Variants in ST3GAL3 observed in about 807,000 individuals in gnomAD.
ST3GAL3 encodes CMP-N-acetylneuraminate-beta-1,4-galactoside alpha-2,3-sialyltransferase.
A neutral mutation model predicts 50.1 loss-of-function variants in ST3GAL3; 21 were observed. The ratio of observed to expected loss-of-function variants is 0.42; its 90% CI spans 0.30 to 0.60. The LOEUF is 0.60. Ranked by LOEUF, ST3GAL3 falls within the 20% of genes least tolerant of loss-of-function variation. ST3GAL3 has a pLI of 0.19. For missense variants in ST3GAL3, 353 were observed against 489.4 expected (o/e 0.72, Z 2.63); for synonymous variants, 183 against 190.0 (o/e 0.96, Z 0.30).
intron 5 of ST3GAL3, among the ~76,000 whole-genome samples, chr1:43,855,445 A>G (rs2068156398): frequency 6.6e-6 from 1 of 152,112 alleles, no homozygotes; most frequent in Non-Finnish European, 1.5e-5. Context: ...CCCCATTTAT[A>G]CTAAAAATAC....
chr1:43,850,810 C>A, intron 5 of ST3GAL3: 1 of 1,024,614 alleles, frequency 9.8e-7, no homozygotes, highest in Non-Finnish European at 1.5e-6. Flanking sequence ...TTCAGGGCCA[C>A]AGCAACCCCA....
At chr1:43,927,570 G>A (rs2084224460) in intron 11 of ST3GAL3, among the ~76,000 whole-genome samples, 1 of 152,154 alleles carries the variant, frequency 6.6e-6, no homozygotes, top group African/African-American at 2.4e-5. Context: ...AGAGGCAAAC[G>A]AGTTTCCACA....
intron 1 of ST3GAL3, among the ~76,000 whole-genome samples, chr1:43,726,615 G>T (rs1027767818): frequency 2.6e-5 from 4 of 151,726 alleles, no homozygotes; most frequent in Admixed American, 2.6e-4. Context: ...CTTTTCTTGA[G>T]ATAGAGTCTT....
At chr1:43,766,604 C>T (rs548465545) in intron 2 of ST3GAL3, among the ~76,000 whole-genome samples, 5 of 151,282 alleles carry the variant, frequency 3.3e-5, no homozygotes, top group African/African-American at 4.9e-5. Context: ...TGGTGGGGGG[C>T]GGGGAGTAGT....
chr1:43,736,700 A>G (rs1678623959), intron 2 of ST3GAL3: 1 of 428,600 alleles, frequency 2.3e-6, no homozygotes, highest in East Asian at 5.1e-5. Flanking sequence ...TTGCTGTAGC[A>G]TATTGCCACT....
rs76527208 is a variant in ST3GAL3, at chr1:43,929,844, C to A, written c.1039-288C>A. On this transcript the variant is annotated intron_variant, in intron 11 of 11. Transcript: ENST00000347631. ...TGAAGTCTGTGGGAACAAGGTCCTT[C>A]CGCCAGCACTGAGGAGGGAGGTTGG... Among the ~76,000 whole-genome samples the A allele has an allele frequency of 0.038, 5,772 of 152,256 alleles. 139 individuals carry two copies. Among genetic ancestry groups the A allele is most frequent in the East Asian group, 0.13 (670 of 5,178 alleles).
At chr1:43,808,670 G>C (rs1416483304) in intron 3 of ST3GAL3, among the ~76,000 whole-genome samples, 2 of 152,142 alleles carry the variant, frequency 1.3e-5, no homozygotes, top group African/African-American at 2.4e-5. Flanking sequence ...CATTTGAGGA[G>C]ACCAGGGCAA....
At chr1:43,729,630 G>A (rs893740264) in intron 1 of ST3GAL3, among the ~76,000 whole-genome samples, 1 of 152,084 alleles carries the variant, frequency 6.6e-6, no homozygotes, top group Non-Finnish European at 1.5e-5. Flanking sequence ...TCTCCCTAAA[G>A]CCTACTGGTT....
At chr1:43,759,175 GT>G (rs1201732028) in intron 2 of ST3GAL3, among the ~76,000 whole-genome samples, 9 of 151,480 alleles carry the variant, frequency 5.9e-5, no homozygotes, top group Non-Finnish European at 4.4e-5. Flanking sequence ...GCTGGGCGTG[GT>G]GGCTCACGCC....
chr1:43,918,935 T>C (rs529480355), intron 9 of ST3GAL3, among the ~76,000 whole-genome samples: 1 of 152,164 alleles, frequency 6.6e-6, no homozygotes, highest in South Asian at 2.1e-4. Flanking sequence ...ACTTGACTTT[T>C]TTGTTACGAT....
At chr1:43,923,894 C>T (rs2154297168) in intron 11 of ST3GAL3, among the ~76,000 whole-genome samples, 1 of 152,228 alleles carries the variant, frequency 6.6e-6, no homozygotes. Flanking sequence ...GGATTATAGG[C>T]ATGAGTCACT....
intron 1 of ST3GAL3, among the ~76,000 whole-genome samples, chr1:43,729,031 A>G (rs959874245): frequency 2.6e-5 from 4 of 151,766 alleles, no homozygotes; most frequent in African/African-American, 9.7e-5. Flanking sequence ...CTGGGACTAC[A>G]GGCACATGCC....
intron 3 of ST3GAL3, among the ~76,000 whole-genome samples, chr1:43,802,864 C>T (rs984411671): frequency 6.6e-6 from 1 of 152,148 alleles, no homozygotes; most frequent in Non-Finnish European, 1.5e-5. Context: ...CTTCTCAATA[C>T]TTAAATTTTA....
chr1:43,756,100 C>CAAAAAAAAAAAAAAAAA (rs139101819), intron 2 of ST3GAL3, among the ~76,000 whole-genome samples: 1 of 72,134 alleles, frequency 1.4e-5, no homozygotes, highest in Admixed American at 1.8e-4. Context: ...GAACCAGTCT[C>CAAAAAAAAAAAAAAAAA]AAAAAAAAAA....
At position 43,736,375 on chromosome 1, in the gene ST3GAL3, A is replaced by G. The variant is rs373320485; in HGVS notation, c.113A>G (p.Asp38Gly). 1.2e-6 allele frequency: 2 copies of G among 1,613,834 alleles called. No individual in the cohort carries two copies. Among genetic ancestry groups the G allele is most frequent in the African/African-American group, 2.7e-5 (2 of 74,836 alleles). Residue 38 changes from aspartate (D) to glycine (G), a missense_variant, in exon 2 of 12, where the codon GAC becomes GGC. Coordinates refer to ENST00000347631, the MANE Select transcript of ST3GAL3 (RefSeq NM_006279.5). Reference protein sequence around the residue: ...WKLHLLQWEEDSNSVVLSFDS... With the variant: ...WKLHLLQWEEGSNSVVLSFDS... ...CTACACTTACTCCAGTGGGAGGAGG[A>G]CTCCAGTAAGTATAGTCACTCTAGC...
chr1:43,904,475 GCT>G (rs1443384150), intron 9 of ST3GAL3, among the ~76,000 whole-genome samples: 1 of 151,984 alleles, frequency 6.6e-6, no homozygotes, highest in African/African-American at 2.4e-5. Flanking sequence ...AGTGGCCGCA[GCT>G]CTTTCTCCCA....
At chr1:43,807,415 C>A (rs199629994) in intron 3 of ST3GAL3, among the ~76,000 whole-genome samples, 1 of 19,808 alleles carries the variant, frequency 5.0e-5, no homozygotes, top group Admixed American at 4.0e-4. Context: ...GACTCTGTCT[C>A]AAAAATAAAT....
intron 2 of ST3GAL3, among the ~76,000 whole-genome samples, chr1:43,765,098 G>A (rs1692053363): frequency 6.6e-6 from 1 of 152,174 alleles, no homozygotes; most frequent in Admixed American, 6.5e-5. Context: ...CCAAATTTCA[G>A]TGGTTTTAAC....
intron 1 of ST3GAL3, among the ~76,000 whole-genome samples, chr1:43,708,499 C>G (rs1470874824): frequency 6.6e-6 from 1 of 152,144 alleles, no homozygotes; most frequent in Non-Finnish European, 1.5e-5. Flanking sequence ...GGAAAAAACT[C>G]TTATTAGGTT....
Sources: gnomAD v4.1 joint callset for allele counts (sites outside exome capture counted in the v4.1 genomes callset) on GRCh38, gnomAD v4.1.1 for gene constraint, MANE v1.5 for transcripts, NCBI Gene and HGNC (gene_info 2026-07-23, HGNC 2026-07-21) for gene names.